CACNG2: variants seen among roughly 807,000 people sequenced by gnomAD.
CACNG2 encodes voltage-dependent calcium channel gamma-2 subunit.
CACNG2 carries 3 observed loss-of-function variants against 25.9 expected under a neutral mutation model. The observed-to-expected ratio is 0.12, with a 90% CI of 0.05 to 0.30. The LOEUF is 0.30. CACNG2 is among the 10% of genes least tolerant of loss of function. The pLI is 1.00. For synonymous variants in CACNG2, 167 were observed against 173.3 expected, an observed-to-expected ratio of 0.96 and a Z score of 0.29; for missense variants, 341 against 432.5, an observed-to-expected ratio of 0.79 and a Z score of 1.88.
At chr22:36,653,913 G>T (rs954862024) in intron 1 of CACNG2, among the ~76,000 whole-genome samples, 3 of 112,362 alleles carry the variant, frequency 2.7e-5, no homozygotes, top group African/African-American at 3.9e-5. Context: ...CATGACAGAC[G>T]TTAGATTTTT....
intron 1 of CACNG2, among the ~76,000 whole-genome samples, chr22:36,622,109 C>T (rs1469794842): frequency 6.6e-6 from 1 of 152,176 alleles, no homozygotes; most frequent in Non-Finnish European, 1.5e-5. Flanking sequence ...AACTGAGGCA[C>T]AGAGAAGTTT....
At chr22:36,636,138 AT>A (rs1936353976) in intron 1 of CACNG2, among the ~76,000 whole-genome samples, 1 of 152,106 alleles carries the variant, frequency 6.6e-6, no homozygotes, top group South Asian at 2.1e-4. Flanking sequence ...AAAAACCAAC[AT>A]TCTTAACATG....
At chr22:36,600,352 T>C (rs755696445) in intron 1 of CACNG2, among the ~76,000 whole-genome samples, 33 of 151,906 alleles carry the variant, frequency 2.2e-4, no homozygotes, top group Non-Finnish European at 3.4e-4. Context: ...TGGGCTTAAA[T>C]GATCCTCCTG....
At chr22:36,575,024 T>C (rs1473162991) in intron 2 of CACNG2, among the ~76,000 whole-genome samples, 1 of 152,158 alleles carries the variant, frequency 6.6e-6, no homozygotes, top group East Asian at 1.9e-4. Flanking sequence ...GCCTGAGGCT[T>C]GGGGAGCCCC....
At chr22:36,661,908 C>T (rs1936801956) in intron 1 of CACNG2, among the ~76,000 whole-genome samples, 1 of 147,788 alleles carries the variant, frequency 6.8e-6, no homozygotes, top group African/African-American at 2.5e-5. Context: ...CTCTTGAAGG[C>T]AGCTTTGTGG....
At chr22:36,678,672 C>A (rs1274160493) in intron 1 of CACNG2, among the ~76,000 whole-genome samples, 1 of 151,220 alleles carries the variant, frequency 6.6e-6, no homozygotes, top group Admixed American at 6.6e-5. Context: ...ATTTCCACCC[C>A]CATGCCAGTC....
chr22:36,576,009 C>T (rs1935306109), intron 2 of CACNG2, among the ~76,000 whole-genome samples: 1 of 152,238 alleles, frequency 6.6e-6, no homozygotes, highest in Admixed American at 6.5e-5. Context: ...CCCATCTTCT[C>T]CTTCCACGCT....
At chr22:36,682,761 G>T (rs1263340893) in intron 1 of CACNG2, among the ~76,000 whole-genome samples, 1 of 152,134 alleles carries the variant, frequency 6.6e-6, no homozygotes, top group Non-Finnish European at 1.5e-5. Flanking sequence ...GTTTGAAGAT[G>T]CTGCCCTGGT....
At chr22:36,684,629 A>AAAAC (rs1358167464) in intron 1 of CACNG2, among the ~76,000 whole-genome samples, 1 of 151,960 alleles carries the variant, frequency 6.6e-6, no homozygotes, top group African/African-American at 2.4e-5. Flanking sequence ...AAAAAAAAAA[A>AAAAC]AACAAAGTAA....
At position 36,564,371 on chromosome 22, in the gene CACNG2, G is replaced by T; in HGVS notation, c.952C>A (p.Arg318Ser). The T allele has an allele frequency of 1.9e-6, 3 of 1,613,900 alleles. No individual in the cohort carries two copies. The highest frequency in any genetic ancestry group is 2.5e-6 in the Non-Finnish European group (3 of 1,179,894). The change falls in exon 4 of 4, where the codon CGC becomes AGC. Residue 318 changes from arginine to serine, a missense_variant. Transcript: ENST00000300105. The surrounding 1 kb of genome is among the most constrained non-coding windows in gnomAD (Gnocchi z 6.7). ...KDSLHSNTANRRTTPV is the reference protein window; with the variant it reads ...KDSLHSNTANSRTTPV ...GGTCTTTATACGGGGGTGGTCCGGC[G>T]GTTGGCTGTGTTGGAGTGGAGAGAG...
In CACNG2 at chr22:36,563,149, T is replaced by A. The variant is rs1935057466; in HGVS notation, c.*1202A>T. Among the ~76,000 whole-genome samples the A allele has an allele frequency of 6.6e-6, 1 of 152,210 alleles. No homozygotes were observed. The highest frequency in any genetic ancestry group is 1.5e-5 in the Non-Finnish European group (1 of 68,034). ...TTAAAAAAAAATCACCACTTGTTTT[T>A]CCTTTTTCTTTTGTAAAAAGAAGCC... On this transcript the variant is annotated 3_prime_UTR_variant, in exon 4 of 4. Transcript: ENST00000300105.
At chr22:36,634,454 G>A (rs1936324814) in intron 1 of CACNG2, among the ~76,000 whole-genome samples, 3 of 152,216 alleles carry the variant, frequency 2.0e-5, no homozygotes, top group African/African-American at 7.2e-5. Context: ...TTGGAGGAGA[G>A]CTGCCTGTTT....
chr22:36,644,152 C>T (rs5995320), intron 1 of CACNG2, among the ~76,000 whole-genome samples: 21,244 of 152,170 alleles, frequency 0.14, 4,005 homozygotes, highest in African/African-American at 0.43. Context: ...AAGTATAAAG[C>T]TCATCTGCTT....
chr22:36,609,288 C>G (rs1185972706), intron 1 of CACNG2, among the ~76,000 whole-genome samples: 5 of 126,068 alleles, frequency 4.0e-5, no homozygotes, highest in Non-Finnish European at 6.4e-5. Flanking sequence ...AGAGTGTGAT[C>G]GGGCAGGAAT....
At chr22:36,700,505 C>T (rs1297278372) in intron 1 of CACNG2, among the ~76,000 whole-genome samples, 2 of 152,200 alleles carry the variant, frequency 1.3e-5, no homozygotes, top group Non-Finnish European at 2.9e-5. Flanking sequence ...TACCTATCTC[C>T]CTCCATCCAT....
chr22:36,684,216 G>A (rs1338637688), intron 1 of CACNG2, among the ~76,000 whole-genome samples: 1 of 152,204 alleles, frequency 6.6e-6, no homozygotes, highest in African/African-American at 2.4e-5. Context: ...TTTAAGCTAA[G>A]TATTTTGAAG....
intron 1 of CACNG2, among the ~76,000 whole-genome samples, chr22:36,594,801 T>C (rs575941040): frequency 7.9e-4 from 114 of 145,136 alleles, no homozygotes; most frequent in Non-Finnish European, 1.4e-3. Context: ...GTGTCTTGTG[T>C]GCATGGATGT....
intron 1 of CACNG2, among the ~76,000 whole-genome samples, chr22:36,613,156 C>CTCTCTGTGTGTGTG (rs140413982): frequency 1.4e-5 from 2 of 146,122 alleles, no homozygotes; most frequent in African/African-American, 5.1e-5. Flanking sequence ...TACAGGCTCT[C>CTCTCTGTGTGTGTG]TGTGTGTGTG....
Position 36,564,018 on chromosome 22 carries a change from T to G in CACNG2, c.*333A>C. On this transcript the variant is annotated 3_prime_UTR_variant, in exon 4 of 4. Coordinates refer to ENST00000300105, the MANE Select transcript of CACNG2 (RefSeq NM_006078.5). This position sits in a 1 kb window ranked among gnomAD's most constrained non-coding sequence, Gnocchi z 6.7. ...ATAATGGTACATGGGAAATCATGCA[T>G]TTTCTTTTAGATTTATTTTCTATTT... is the stretch of plus-strand genomic sequence containing the variant. The G allele has an allele frequency of 5.0e-6, 1 of 200,902 alleles. No individual in the cohort carries two copies. 12.4% of individuals were successfully genotyped at this position (200,902 alleles called of 1,614,324 possible).
Sources: allele counts gnomAD v4.1 joint callset (sites outside exome capture counted in the v4.1 genomes callset), GRCh38; gene constraint gnomAD v4.1.1; non-coding constraint Gnocchi (gnomAD v3.1); transcripts MANE v1.5; gene names NCBI Gene and HGNC (gene_info 2026-07-23, HGNC 2026-07-21).